The following PTK7 variants were observed in gnomAD, a reference collection of about 807,000 sequenced individuals.
The protein encoded by PTK7 is inactive tyrosine-protein kinase 7.
Under a neutral mutation model 116.6 loss-of-function variants are expected in PTK7, and 39 were observed. That is an observed-to-expected ratio of 0.33 (90% CI 0.26 to 0.44). The LOEUF is 0.44. PTK7 is among the 20% of genes least tolerant of loss of function. The pLI is 1.00. For synonymous variants in PTK7, 546 were observed against 563.6 expected, an observed-to-expected ratio of 0.97 and a Z score of 0.44; for missense variants, 1,169 against 1,425.6, an observed-to-expected ratio of 0.82 and a Z score of 2.90.
intron 7 of PTK7, among the ~76,000 whole-genome samples, chr6:43,137,451 TGA>T (rs1206554955): frequency 6.6e-6 from 1 of 152,146 alleles, no homozygotes; most frequent in Non-Finnish European, 1.5e-5. Flanking sequence ...TTCTATTGAC[TGA>T]GATAGGGAAA....
intron 1 of PTK7, among the ~76,000 whole-genome samples, chr6:43,092,186 T>A (rs1766990775): frequency 6.6e-6 from 1 of 151,396 alleles, no homozygotes; most frequent in Non-Finnish European, 1.5e-5. Context: ...ATTTATTTGT[T>A]TTTTAGAGAT....
intron 1 of PTK7, among the ~76,000 whole-genome samples, chr6:43,106,457 A>G (rs76004968): frequency 0.023 from 3,543 of 151,768 alleles, 184 homozygotes; most frequent in Admixed American, 0.13. Context: ...ACAGGCTTGC[A>G]CCACCATGCC....
chr6:43,153,637 C>T (rs952832668), intron 17 of PTK7, among the ~76,000 whole-genome samples: 15 of 152,156 alleles, frequency 9.9e-5, no homozygotes, highest in African/African-American at 3.1e-4. Flanking sequence ...TCTCAAACTC[C>T]TAGGCTCAAG....
At chr6:43,144,322 C>T (rs987530806) in intron 14 of PTK7, 129 bp from the exon 15 acceptor site, 2 of 1,174,344 alleles carry the variant, frequency 1.7e-6, no homozygotes, top group African/African-American at 1.5e-5. Context: ...TTGGGCTTGC[C>T]CTTTCATGTG....
chr6:43,121,255 G>C (rs73736705), intron 1 of PTK7, among the ~76,000 whole-genome samples: 2,831 of 152,174 alleles, frequency 0.019, 91 homozygotes, highest in African/African-American at 0.064. Flanking sequence ...AGGTTAATCT[G>C]CCCCCTCCAG....
Position 43,161,382 on chromosome 6 carries a change from C to A in PTK7, c.*501C>A. The A allele has an allele frequency of 6.4e-6, 1 of 157,300 alleles. No homozygotes were observed. The highest frequency in any genetic ancestry group is 6.0e-5 in the Admixed American group (1 of 16,532). 9.7% of individuals were successfully genotyped at this position (157,300 alleles called of 1,614,324 possible). On this transcript the variant is annotated 3_prime_UTR_variant, in exon 20 of 20. Coordinates refer to ENST00000230419, the MANE Select transcript of PTK7 (RefSeq NM_002821.5). Reference sequence around the variant, plus strand: ...TTATAGAGGACACAGCAAGTGAGTCCTCCCCACTCTGGGCTTGTGCACACT... The same window carrying A: ...TTATAGAGGACACAGCAAGTGAGTCATCCCCACTCTGGGCTTGTGCACACT...
In PTK7 at chr6:43,145,452, C is replaced by T. The variant is rs200495132; in HGVS notation, c.2640+20C>T. The T allele has an allele frequency of 4.9e-4, 742 of 1,505,170 alleles. 3 individuals are homozygous for T. Among genetic ancestry groups the T allele is most frequent in the Middle Eastern group, 2.0e-3 (11 of 5,558 alleles). The allele number at this position is 1,505,170 out of a possible 1,614,324, so 93.2% of individuals were successfully genotyped here. ...GATCTGGTATGCTGTTGGCAGGGGACGTGGGGGTCTCGGGTAGGGAGGGCA... is the reference window on the plus strand; with the variant it reads ...GATCTGGTATGCTGTTGGCAGGGGATGTGGGGGTCTCGGGTAGGGAGGGCA... On this transcript the variant is annotated intron_variant, in intron 16 of 19. Transcript: ENST00000230419. The surrounding 1 kb of genome is among the most constrained non-coding windows in gnomAD (Gnocchi z 4.8).
At chr6:43,157,619 A>C (rs1284538452) in intron 17 of PTK7, among the ~76,000 whole-genome samples, 2 of 151,876 alleles carry the variant, frequency 1.3e-5, no homozygotes, top group Non-Finnish European at 2.9e-5. Flanking sequence ...GGTGCCACTC[A>C]CCTGAAATCC....
At chr6:43,118,894 A>C (rs1360991277) in intron 1 of PTK7, among the ~76,000 whole-genome samples, 1 of 150,008 alleles carries the variant, frequency 6.7e-6, no homozygotes, top group African/African-American at 2.5e-5. Context: ...TCAGCCTCCC[A>C]AGTAGCTGGG....
chr6:43,151,568 C>A lies in PTK7; in HGVS notation c.2721+4870C>A, dbSNP rs1251028286. ...TTTTTTCGGAGACGGAGTCTCACTC[C>A]GTCGCCAGGCTGGAGTGTGGTGGCG... On this transcript the variant is annotated intron_variant, in intron 17 of 19. Coordinates refer to ENST00000230419, the MANE Select transcript of PTK7 (RefSeq NM_002821.5). 2.9e-5 allele frequency among the ~76,000 whole-genome samples: 4 copies of A among 138,368 alleles called. No homozygotes were observed. In the Admixed American group the frequency reaches 3.0e-4, roughly 10 times the overall value. 90.8% of individuals were successfully genotyped at this position (138,368 alleles called of 152,430 possible). A position where few individuals can be genotyped will look rare whatever the true frequency, so the allele number is the denominator to read the frequency against.
chr6:43,077,425 T>TGG (rs200477681), intron 1 of PTK7, among the ~76,000 whole-genome samples: 1 of 150,766 alleles, frequency 6.6e-6, no homozygotes, highest in Non-Finnish European at 1.5e-5. Flanking sequence ...TGGCTTTTCT[T>TGG]GGGGGGGGGC....
At chr6:43,080,928 C>T (rs146242564) in intron 1 of PTK7, among the ~76,000 whole-genome samples, 2 of 149,576 alleles carry the variant, frequency 1.3e-5, no homozygotes, top group South Asian at 2.1e-4. Context: ...GGCGACGGAA[C>T]GAGACTCCGT....
At chr6:43,122,921 TTAGTG>T in intron 1 of PTK7, among the ~76,000 whole-genome samples, 1 of 151,940 alleles carries the variant, frequency 6.6e-6, no homozygotes, top group East Asian at 1.9e-4. Context: ...GACTGAGTCT[TTAGTG>T]TGGTGCTGGT....
chr6:43,131,892 C>A, intron 5 of PTK7, 124 bp from the exon 6 acceptor site: 1 of 1,326,542 alleles, frequency 7.5e-7, no homozygotes, highest in Non-Finnish European at 1.1e-6. Context: ...TTCCTTCTCT[C>A]TGCCCTGTTC....
chr6:43,141,964 C>G lies in PTK7; in HGVS notation c.1802C>G (p.Thr601Arg). The G allele has an allele frequency of 1.2e-6, 2 of 1,613,076 alleles. No homozygotes were observed. The highest frequency in any genetic ancestry group is 1.7e-6 in the Non-Finnish European group (2 of 1,179,712). ...ACCTTCAAAGTGGAACCAGAGCGTACGACTGTGTACCAGGGCCACACAGCC... is the reference window on the plus strand; with the variant it reads ...ACCTTCAAAGTGGAACCAGAGCGTAGGACTGTGTACCAGGGCCACACAGCC... Reference protein sequence around the residue: ...FITFKVEPERTTVYQGHTALL... With the variant: ...FITFKVEPERRTVYQGHTALL... The change falls in exon 12 of 20, where the codon ACG becomes AGG. Residue 601 changes from threonine (T) to arginine (R), a missense_variant. Physicochemically the swap from Thr to Arg is moderately conservative, Grantham distance 71 (BLOSUM62 -1). This residue lies in a region of PTK7 where 678 missense variants were observed against 853.8 expected (regional missense o/e 0.79). Coordinates refer to ENST00000230419, the MANE Select transcript of PTK7 (RefSeq NM_002821.5). The surrounding 1 kb of genome is among the most constrained non-coding windows in gnomAD (Gnocchi z 4.9).
At chr6:43,135,369 G>A (rs1033581477) in intron 7 of PTK7, among the ~76,000 whole-genome samples, 4 of 152,232 alleles carry the variant, frequency 2.6e-5, no homozygotes, top group East Asian at 3.8e-4. Flanking sequence ...TGTGAACAAA[G>A]CAGGCAGAAG....
chr6:43,130,340 A>T lies in PTK7; in HGVS notation c.581A>T (p.His194Leu). 1 of 1,612,950 alleles carries T rather than the reference A, an allele frequency of 6.2e-7. No individual in the cohort carries two copies. The highest frequency in any genetic ancestry group is 8.5e-7 in the Non-Finnish European group (1 of 1,179,416). The change falls in exon 4 of 20, where the codon CAT becomes CTT. Residue 194 changes from histidine to leucine, a missense_variant. His to Leu is a moderately conservative substitution (Grantham distance 99, BLOSUM62 -3). Transcript: ENST00000230419. ...NLTLRPAGPE[H>L]SGLYSCCAHS... ...ACGCTCCGGCCAGCTGGTCCTGAGC[A>T]TAGTGGGCTGTATTCCTGCTGCGCC...
intron 1 of PTK7, among the ~76,000 whole-genome samples, chr6:43,093,291 G>A (rs997033588): frequency 6.9e-6 from 1 of 144,622 alleles, no homozygotes; most frequent in Admixed American, 7.3e-5. Context: ...CCAGGTTCAA[G>A]CGATTCTCCT....
rs369263649 is a variant in PTK7, at chr6:43,139,217, A to G, written c.1444A>G (p.Met482Val). ...EVYDGTWYRC[M>V]SSTPAGSIEA... Reference sequence around the variant, plus strand: ...GTATGATGGGACATGGTACCGTTGTATGAGCAGCACCCCAGCCGGCAGCAT... The same window carrying G: ...GTATGATGGGACATGGTACCGTTGTGTGAGCAGCACCCCAGCCGGCAGCAT... The change falls in exon 9 of 20, where the codon ATG (methionine) becomes GTG (valine). Residue 482 changes from methionine to valine, a missense_variant. Around this residue, in one of 3 missense-constraint regions of PTK7, gnomAD observed 678 missense variants for 853.8 expected, o/e 0.79. Transcript: ENST00000230419. This position sits in a 1 kb window ranked among gnomAD's most constrained non-coding sequence, Gnocchi z 4.6. The G allele has an allele frequency of 6.8e-6, 11 of 1,614,114 alleles. No homozygotes were observed. The highest frequency in any genetic ancestry group is 1.3e-5 in the African/African-American group (1 of 74,950).
Sources: allele counts gnomAD v4.1 joint callset (sites outside exome capture counted in the v4.1 genomes callset), GRCh38; gene constraint gnomAD v4.1.1; regional missense constraint gnomAD v4.1.1; non-coding constraint Gnocchi (gnomAD v3.1); transcripts MANE v1.5; gene names NCBI Gene and HGNC (gene_info 2026-07-23, HGNC 2026-07-21).